Variants in TRPM4 observed in about 807,000 individuals in gnomAD.
TRPM4 encodes transient receptor potential cation channel subfamily M member 4.
Under a neutral mutation model 135.6 loss-of-function variants are expected in TRPM4, and 124 were observed. The ratio of observed to expected loss-of-function variants is 0.91; its 90% CI spans 0.79 to 1.06. TRPM4 has a LOEUF of 1.06. Ranked by LOEUF, TRPM4 falls within the 50% of genes least tolerant of loss-of-function variation. The pLI is 0.00. For missense variants in TRPM4, 1,658 were observed against 1,671.4 expected (o/e 0.99, Z 0.14); for synonymous variants, 745 against 705.6 (o/e 1.06, Z -0.88).
rs1968056888 is a variant in TRPM4 at position 49,183,074 on chromosome 19, G to A, written c.1609-4G>A. The A allele has an allele frequency of 6.2e-7, 1 of 1,611,708 alleles. No homozygotes were observed. Among genetic ancestry groups the A allele is most frequent in the Non-Finnish European group, 8.5e-7 (1 of 1,180,016 alleles). On this transcript the variant is annotated splice_region_variant and splice_polypyrimidine_tract_variant and intron_variant, in intron 11 of 24. Transcript: ENST00000252826. ...GTCCTCACCACCCCTCCTTTTGCTG[G>A]CAGATGTATCTGCTCTCGGACAAGG...
chr19:49,210,201 CT>C lies in TRPM4; in HGVS notation c.3132-5del, dbSNP rs758596618. 5 of 1,614,232 alleles carry C rather than the reference CT, an allele frequency of 3.1e-6. No homozygotes were observed. In the South Asian group the frequency reaches 5.5e-5, roughly 18 times the overall value. Reference sequence around the variant, plus strand: ...CCTCAAGTGACCTTTGACCTCTGGCCTTTGCAGTTACACATTCGGCAAAGTA... The same window carrying C: ...CCTCAAGTGACCTTTGACCTCTGGCCTTGCAGTTACACATTCGGCAAAGTA... On this transcript the variant is annotated splice_region_variant and splice_polypyrimidine_tract_variant and intron_variant, in intron 20 of 24. Coordinates refer to ENST00000252826, the MANE Select transcript of TRPM4 (RefSeq NM_017636.4). The surrounding 1 kb of genome is among the most constrained non-coding windows in gnomAD (Gnocchi z 4.1).
chr19:49,183,683 A>C (rs1968086516), intron 12 of TRPM4, among the ~76,000 whole-genome samples: 2 of 151,850 alleles, frequency 1.3e-5, no homozygotes, highest in African/African-American at 4.8e-5. Flanking sequence ...GATTACAGGC[A>C]TGTGCCACCG....
chr19:49,172,138 T>C, intron 9 of TRPM4, 30 bp downstream of exon 9: 1 of 1,541,818 alleles, frequency 6.5e-7, no homozygotes, highest in South Asian at 1.1e-5. Flanking sequence ...GTCTTCCCCC[T>C]CTCTCAGTTC....
intron 5 of TRPM4, 36 bp downstream of exon 5, chr19:49,168,459 C>A (rs761505972): frequency 6.2e-7 from 1 of 1,613,794 alleles, no homozygotes; most frequent in Non-Finnish European, 8.5e-7. Context: ...GGGCTGGAGG[C>A]CTGGACTCCT....
At chr19:49,189,176 T>C in intron 14 of TRPM4, 85 bp downstream of exon 14, 2 of 1,579,176 alleles carry the variant, frequency 1.3e-6, no homozygotes, top group South Asian at 2.2e-5. Context: ...ATTGGGAACA[T>C]CTATGGTCTT....
Position 49,210,442 on chromosome 19 carries a change from G to A in TRPM4, c.3328+37G>A, listed in dbSNP as rs575947744. 1.2e-5 allele frequency: 20 copies of A among 1,604,670 alleles called. No homozygotes were observed. In the African/African-American group the frequency reaches 2.7e-4, roughly 21 times the overall value. On this transcript the variant is annotated intron_variant, in intron 21 of 24. Transcript: ENST00000252826. The surrounding 1 kb of genome is among the most constrained non-coding windows in gnomAD (Gnocchi z 4.1). The stretch of plus-strand genomic sequence containing the variant: ...GCTTGGCTTAAAAAGGAGAAATATA[G>A]GGGACCGGGAGCCTGGAAGGCGAGG...
rs67748057 is a variant in TRPM4, at chr19:49,184,452, C to CTTTTT, written c.1743+1262_1743+1266dup. Among the ~76,000 whole-genome samples the CTTTTT allele has an allele frequency of 3.7e-3, 168 of 45,510 alleles. 53 individuals carry two copies. Among genetic ancestry groups the CTTTTT allele is most frequent in the African/African-American group, 0.017 (163 of 9,520 alleles). 29.9% of individuals were successfully genotyped at this position (45,510 alleles called of 152,430 possible). A position where few individuals can be genotyped will look rare whatever the true frequency, so the allele number is the denominator to read the frequency against. On this transcript the variant is annotated intron_variant, in intron 12 of 24. Coordinates refer to ENST00000252826, the MANE Select transcript of TRPM4 (RefSeq NM_017636.4). ...TTTGGTTCATTTCTGTCTCTGTAGT[C>CTTTTT]TTTTTTTTTTTTTTTTTTTTTTTTT...
rs555919382 is a variant in TRPM4, at chr19:49,209,804, A to G, written c.3132-405A>G. Among the ~76,000 whole-genome samples the G allele has an allele frequency of 5.1e-5, 7 of 138,158 alleles. No homozygotes were observed. The East Asian group carries it at 1.0e-3, about 21-fold the overall frequency. 90.6% of individuals were successfully genotyped at this position (138,158 alleles called of 152,430 possible). A position where few individuals can be genotyped will look rare whatever the true frequency, so the allele number is the denominator to read the frequency against. ...TACTCTGTCTCCCAGGCTGGAGTGC[A>G]GTGGCACGATCTCAGCTCACTGCAA... is the stretch of plus-strand genomic sequence containing the variant. On this transcript the variant is annotated intron_variant, in intron 20 of 24. Transcript: ENST00000252826.
intron 17 of TRPM4, among the ~76,000 whole-genome samples, chr19:49,197,516 TA>T (rs1968742321): frequency 2.7e-5 from 2 of 73,724 alleles, no homozygotes; most frequent in African/African-American, 5.0e-5. Flanking sequence ...TCCTTCCTTC[TA>T]TGCTTCCTTC....
rs143006600 is a variant in TRPM4 at position 49,195,605 on chromosome 19, G to A, written c.2211-835G>A. On this transcript the variant is annotated intron_variant, in intron 16 of 24. Transcript: ENST00000252826. ...GGCTGGTCTCGAACTCCCGACCTCA[G>A]CTGATCTGCCTGCCTCGGCCTCCCC... Among the ~76,000 whole-genome samples, 1,112 of 151,870 alleles carry A rather than the reference G, an allele frequency of 7.3e-3. 17 individuals carry two copies. The highest frequency in any genetic ancestry group is 0.025 in the African/African-American group (1,054 of 41,404).
intron 12 of TRPM4, 97 bp downstream of exon 12, chr19:49,183,309 G>C: frequency 2.6e-6 from 4 of 1,530,462 alleles, no homozygotes; most frequent in Non-Finnish European, 2.7e-6. Flanking sequence ...GACCCCTGAC[G>C]TCACCTGACA....
chr19:49,185,229 C>A (rs184433787), intron 12 of TRPM4, among the ~76,000 whole-genome samples: 70 of 151,708 alleles, frequency 4.6e-4, no homozygotes, highest in Non-Finnish European at 8.7e-4. Context: ...CATTTCTTTT[C>A]TTTTATTTAT....
rs574687891 is a variant in TRPM4, at chr19:49,160,891, G to T, written c.92+2632G>T. ...GGGCAAAGACTCAGGGGGCAGGAAG[G>T]CAGAGCTTGGGGCTTGATGAGGGTG... On this transcript the variant is annotated intron_variant, in intron 2 of 24. Coordinates refer to ENST00000252826, the MANE Select transcript of TRPM4 (RefSeq NM_017636.4). 3.2e-4 allele frequency among the ~76,000 whole-genome samples: 48 copies of T among 152,176 alleles called. No homozygotes were observed. The South Asian group carries it at 9.8e-3, about 31-fold the overall frequency.
intron 2 of TRPM4, among the ~76,000 whole-genome samples, chr19:49,163,651 C>T (rs1282017400): frequency 6.6e-6 from 1 of 152,126 alleles, no homozygotes; most frequent in African/African-American, 2.4e-5. Flanking sequence ...ACCACCACAC[C>T]TGGCTAATTA....
Position 49,168,507 on chromosome 19 carries a change from C to G in TRPM4, c.613-46C>G, listed in dbSNP as rs570618364. On this transcript the variant is annotated intron_variant, in intron 5 of 24. Transcript: ENST00000252826. ...GGAGGAGGGGCTCGTGTTTGTCCTT[C>G]TGGCCCCGATGAGGAGACGCCCTGG... 6 of 1,613,742 alleles carry G rather than the reference C, an allele frequency of 3.7e-6. No homozygotes were observed. The South Asian group carries it at 6.6e-5, about 18-fold the overall frequency.
intron 6 of TRPM4, among the ~76,000 whole-genome samples, 158 bp downstream of exon 6, chr19:49,168,894 G>A (rs1353486089): frequency 6.6e-6 from 1 of 151,926 alleles, no homozygotes; most frequent in African/African-American, 2.4e-5. Flanking sequence ...TTCTGTCTGA[G>A]AGTGAGTTAG....
chr19:49,183,220 C>T lies in TRPM4; in HGVS notation c.1743+8C>T. ...ATGTACTTCTGGGAGATGGTGAGTG[C>T]TGACTTGGCGCTCCTGCATCCCTGT... On this transcript the variant is annotated splice_region_variant and intron_variant, in intron 12 of 24. Transcript: ENST00000252826. The T allele has an allele frequency of 6.2e-7, 1 of 1,614,040 alleles. No homozygotes were observed.
At chr19:49,209,579 C>T (rs895224740) in intron 20 of TRPM4, among the ~76,000 whole-genome samples, 2 of 151,876 alleles carry the variant, frequency 1.3e-5, no homozygotes, top group African/African-American at 2.4e-5. Context: ...CTTTTTATTT[C>T]GGTAAGGTCA....
intron 9 of TRPM4, among the ~76,000 whole-genome samples, chr19:49,174,472 G>A (rs763967150): frequency 6.6e-5 from 10 of 151,522 alleles, no homozygotes; most frequent in Middle Eastern, 3.4e-3. Flanking sequence ...CATTTAAACC[G>A]GACCTTGGCC....
Sources: gnomAD v4.1 joint callset for allele counts (sites outside exome capture counted in the v4.1 genomes callset) on GRCh38, gnomAD v4.1.1 for gene constraint, Gnocchi (gnomAD v3.1) non-coding constraint, MANE v1.5 for transcripts, NCBI Gene and HGNC (gene_info 2026-07-23, HGNC 2026-07-21) for gene names.